Variants in DST observed in about 807,000 individuals in gnomAD.
DST encodes bullous pemphigoid antigen.
Under a neutral mutation model 875.2 loss-of-function variants are expected in DST, and 253 were observed. The observed-to-expected ratio is 0.29, with a 90% CI of 0.26 to 0.32. The LOEUF is 0.32. Ranked by LOEUF, DST falls within the 10% of genes least tolerant of loss-of-function variation. The pLI, the probability that DST is intolerant of heterozygous loss-of-function variation, is 1.00. For synonymous variants in DST, 3,124 were observed against 3,197.1 expected (o/e 0.98, Z 0.77); for missense variants, 8,287 against 9,111.6 (o/e 0.91, Z 3.68).
intron 4 of DST, among the ~76,000 whole-genome samples, chr6:56,747,032 C>A (rs565490089): frequency 6.6e-6 from 1 of 152,098 alleles, no homozygotes; most frequent in African/African-American, 2.4e-5. Flanking sequence ...AATGGCTGCC[C>A]AGTCTGAGAT....
intron 92 of DST, among the ~76,000 whole-genome samples, chr6:56,475,656 T>C (rs192209714): frequency 2.6e-5 from 4 of 152,326 alleles, no homozygotes; most frequent in East Asian, 3.9e-4. Flanking sequence ...ATGACAGTCA[T>C]CTTCACAGAC....
chr6:56,843,060 T>C, intron 4 of DST: 1 of 1,521,846 alleles, frequency 6.6e-7, no homozygotes, highest in Non-Finnish European at 8.9e-7. Context: ...CATACCTTTG[T>C]ACCTCTCCAG....
chr6:56,944,970 C>T (rs918514043), intron 2 of DST, among the ~76,000 whole-genome samples: 1 of 152,162 alleles, frequency 6.6e-6, no homozygotes, highest in African/African-American at 2.4e-5. Flanking sequence ...AATTTAGACA[C>T]CATATCTGTA....
At chr6:56,894,716 C>A (rs1240638710) in intron 3 of DST, among the ~76,000 whole-genome samples, 2 of 72,194 alleles carry the variant, frequency 2.8e-5, no homozygotes, top group Non-Finnish European at 5.1e-5. Context: ...GCTGACCCCC[C>A]CCACCTCCCT....
rs529049969 is a variant in DST, at chr6:56,885,181, G to A, written c.417+15240C>T. Among the ~76,000 whole-genome samples the A allele has an allele frequency of 1.2e-4, 19 of 152,134 alleles. No homozygotes were observed. The East Asian group carries it at 2.5e-3, about 20-fold the overall frequency. On this transcript the variant is annotated intron_variant, in intron 3 of 103. Coordinates refer to ENST00000680361, the MANE Select transcript of DST (RefSeq NM_001374736.1). Reference sequence around the variant, plus strand: ...GGTTGGCTGCTAATGGCTCATAGCCGCCCTCCCCTTCAGGGACTCCCCTAA... The same window carrying A: ...GGTTGGCTGCTAATGGCTCATAGCCACCCTCCCCTTCAGGGACTCCCCTAA...
intron 4 of DST, among the ~76,000 whole-genome samples, chr6:56,804,259 T>A (rs2099750635): frequency 6.6e-6 from 1 of 152,186 alleles, no homozygotes. Flanking sequence ...GAGAAGGATT[T>A]ACACAATTTC....
Position 56,593,905 on chromosome 6 carries a change from C to T in DST, c.12484G>A (p.Ala4162Thr), listed in dbSNP as rs141048754. ...AAACCATTGATGTCATCTGCACCTGCCTCCAGGTTTTCAAGTTCTTGTTCT... is the reference window on the plus strand; with the variant it reads ...AAACCATTGATGTCATCTGCACCTGTCTCCAGGTTTTCAAGTTCTTGTTCT... ...QSEQELENLE[A>T]GADDINGLMT... The change falls in exon 48 of 104, where the codon GCA (alanine) becomes ACA (threonine). Residue 4162 changes from alanine to threonine, a missense_variant. Ala to Thr is a moderately conservative substitution (Grantham distance 58). Around this residue, in one of 10 missense-constraint regions of DST, gnomAD observed 1,513 missense variants for 1,677.8 expected, o/e 0.90. Transcript: ENST00000680361. The T allele has an allele frequency of 7.9e-5, 127 of 1,613,756 alleles. 1 individual carries two copies. In the African/African-American group the frequency reaches 1.4e-3, roughly 17 times the overall value.
At chr6:56,860,304 A>T (rs1331909165) in intron 3 of DST, among the ~76,000 whole-genome samples, 1 of 152,190 alleles carries the variant, frequency 6.6e-6, no homozygotes, top group Non-Finnish European at 1.5e-5. Context: ...AGAGGTAGGG[A>T]TCGTGGTAAT....
chr6:56,857,776 A>C (rs1768737211), intron 3 of DST, among the ~76,000 whole-genome samples: 1 of 152,260 alleles, frequency 6.6e-6, no homozygotes, highest in Non-Finnish European at 1.5e-5. Flanking sequence ...GGTATGGCCC[A>C]AGACTATCCT....
intron 4 of DST, among the ~76,000 whole-genome samples, chr6:56,764,214 A>G (rs1423955201): frequency 1.3e-5 from 2 of 151,802 alleles, no homozygotes; most frequent in African/African-American, 4.8e-5. Flanking sequence ...CTCTCTTCCC[A>G]GTTTTTCTAT....
At chr6:56,735,341 A>G in intron 4 of DST, 52 bp from the exon 5 acceptor site, 1 of 1,031,830 alleles carries the variant, frequency 9.7e-7, no homozygotes, top group East Asian at 2.6e-5. Flanking sequence ...CTATGAATAG[A>G]TGACTTTGTG....
chr6:56,641,924 G>A (rs2098909493), intron 17 of DST, 23 bp downstream of exon 17: 7 of 1,567,564 alleles, frequency 4.5e-6, no homozygotes, highest in Non-Finnish European at 6.0e-6. Flanking sequence ...AAAGGACAGA[G>A]AAAGAATAAG....
intron 31 of DST, among the ~76,000 whole-genome samples, chr6:56,629,887 T>C (rs1201697205): frequency 6.6e-6 from 1 of 152,218 alleles, no homozygotes; most frequent in Non-Finnish European, 1.5e-5. Context: ...GAACTACAAG[T>C]CTTTTTCCTT....
At chr6:56,779,200 T>A (rs1233298461) in intron 4 of DST, among the ~76,000 whole-genome samples, 1 of 152,112 alleles carries the variant, frequency 6.6e-6, no homozygotes, top group Admixed American at 6.5e-5. Flanking sequence ...AAGTGTCTGT[T>A]CAAATCCTTC....
chr6:56,488,612 G>C (rs1349968428), intron 86 of DST, among the ~76,000 whole-genome samples: 2 of 152,170 alleles, frequency 1.3e-5, no homozygotes, highest in Non-Finnish European at 2.9e-5. Flanking sequence ...GCCAACCTAT[G>C]TGAAGATGAT....
chr6:56,703,787 C>A, intron 6 of DST, 41 bp from the exon 7 acceptor site: 3 of 712,552 alleles, frequency 4.2e-6, no homozygotes, highest in Non-Finnish European at 5.1e-6. Flanking sequence ...AGCAAAGACA[C>A]AAGACAGACC....
chr6:56,648,740 C>A, intron 12 of DST, 51 bp from the exon 13 acceptor site: 2 of 1,442,018 alleles, frequency 1.4e-6, no homozygotes, highest in Middle Eastern at 2.3e-4. Context: ...TAATAACATT[C>A]ATATCTAAGA....
chr6:56,892,659 C>A (rs1788140266), intron 3 of DST, among the ~76,000 whole-genome samples: 1 of 152,176 alleles, frequency 6.6e-6, no homozygotes, highest in Non-Finnish European at 1.5e-5. Flanking sequence ...TCAATCCCAA[C>A]TTTTCCATAA....
At position 56,812,116 on chromosome 6, in the gene DST, A is replaced by AAAGAAAAGAAAAGAC. The variant is rs1400489238; in HGVS notation, c.625+39280_625+39281insGTCTTTTCTTTTCTT. 1.7e-4 allele frequency among the ~76,000 whole-genome samples: 18 copies of AAAGAAAAGAAAAGAC among 104,684 alleles called. 1 individual carries two copies. Among genetic ancestry groups the AAAGAAAAGAAAAGAC allele is most frequent in the African/African-American group, 5.9e-4 (16 of 27,080 alleles). The allele number at this position is 104,684 out of a possible 152,430, so 68.7% of individuals were successfully genotyped here. Reference sequence around the variant, plus strand: ...GACTCTGACTCAAAAAAAAAAAAGAAAAGAAAAGAAAAGAAAAGAAAAGAA... The same window carrying AAAGAAAAGAAAAGAC: ...GACTCTGACTCAAAAAAAAAAAAGAAAAGAAAAGAAAAGACAAGAAAAGAAAAGAAAAGAAAAGAA... On this transcript the variant is annotated intron_variant, in intron 4 of 103. Coordinates refer to ENST00000680361, the MANE Select transcript of DST (RefSeq NM_001374736.1).
Sources: allele counts gnomAD v4.1 joint callset (sites outside exome capture counted in the v4.1 genomes callset), GRCh38; gene constraint gnomAD v4.1.1; regional missense constraint gnomAD v4.1.1; transcripts MANE v1.5; gene names NCBI Gene and HGNC (gene_info 2026-07-23, HGNC 2026-07-21).